The following AGBL1 variants were observed in gnomAD, a reference collection of about 807,000 sequenced individuals.
AGBL1 encodes the protein cytosolic carboxypeptidase 4.
A neutral mutation model predicts 118.9 loss-of-function variants in AGBL1; 130 were observed. The ratio of observed to expected loss-of-function variants is 1.09; its 90% CI spans 0.95 to 1.26. The LOEUF (loss-of-function observed/expected upper bound fraction) is 1.26, where lower values mean the gene tolerates loss of function less well. Ranked by LOEUF, AGBL1 falls within the 50% of genes most tolerant of loss-of-function variation. The pLI, the probability that AGBL1 is intolerant of heterozygous loss-of-function variation, is 0.00. For missense variants in AGBL1, 1,584 were observed against 1,298.1 expected (o/e 1.22, Z -3.38); for synonymous variants, 555 against 478.9 (o/e 1.16, Z -2.08).
intron 23 of AGBL1, among the ~76,000 whole-genome samples, chr15:86,978,051 G>C (rs2081192844): frequency 6.6e-6 from 1 of 152,068 alleles, no homozygotes; most frequent in Non-Finnish European, 1.5e-5. Flanking sequence ...GATAAAAGCA[G>C]TATTATTTTA....
intron 18 of AGBL1, among the ~76,000 whole-genome samples, chr15:86,462,571 A>G (rs1039341908): frequency 2.0e-5 from 3 of 152,142 alleles, no homozygotes; most frequent in Admixed American, 1.3e-4. Context: ...TTCTCCTAAT[A>G]CTATCCCTCC....
intron 17 of AGBL1, among the ~76,000 whole-genome samples, chr15:86,307,945 A>T (rs889548021): frequency 6.6e-6 from 1 of 152,216 alleles, no homozygotes. Context: ...ACTACCTCAG[A>T]GTAACTACCA....
chr15:86,469,370 G>A (rs1208588557), intron 18 of AGBL1, among the ~76,000 whole-genome samples: 1 of 152,166 alleles, frequency 6.6e-6, no homozygotes, highest in African/African-American at 2.4e-5. Context: ...ATTTCAGTTA[G>A]CATAATATCC....
intron 21 of AGBL1, among the ~76,000 whole-genome samples, chr15:86,558,607 G>C (rs990810817): frequency 1.3e-5 from 2 of 152,116 alleles, no homozygotes; most frequent in African/African-American, 4.8e-5. Context: ...ACTTATAACA[G>C]TATTTCAAAA....
chr15:86,513,398 G>A (rs941245777), intron 18 of AGBL1, among the ~76,000 whole-genome samples: 19 of 151,992 alleles, frequency 1.3e-4, no homozygotes, highest in African/African-American at 3.4e-4. Context: ...ACCCTTCTCA[G>A]TTGTATCATA....
At chr15:86,149,466 G>A (rs973290668) in intron 3 of AGBL1, among the ~76,000 whole-genome samples, 2 of 152,142 alleles carry the variant, frequency 1.3e-5, no homozygotes, top group Non-Finnish European at 2.9e-5. Flanking sequence ...AAAAAAAGCA[G>A]GGGTTGCAGT....
At chr15:86,917,036 T>G (rs776404780), downstream of AGBL1, among the ~76,000 whole-genome samples, 2 of 152,192 alleles carry the variant, frequency 1.3e-5, no homozygotes, top group Non-Finnish European at 2.9e-5. The surrounding 1 kb of genome is among the most constrained non-coding windows in gnomAD (Gnocchi z 4.8). Context: ...GTCAGCAAAC[T>G]TCAGCTGGGG....
intron 17 of AGBL1, among the ~76,000 whole-genome samples, chr15:86,359,396 T>C (rs1375955430): frequency 2.0e-4 from 28 of 140,602 alleles, no homozygotes; most frequent in South Asian, 4.3e-4. Flanking sequence ...TCTTTTTTTT[T>C]TTTTTTTTTT....
chr15:86,661,841 A>G (rs964314771), intron 21 of AGBL1, among the ~76,000 whole-genome samples: 1 of 152,104 alleles, frequency 6.6e-6, no homozygotes, highest in Non-Finnish European at 1.5e-5. Context: ...GCTTCATCTC[A>G]TGTTCTGTGC....
intron 21 of AGBL1, chr15:86,556,303 A>G (rs1416049401): frequency 6.2e-7 from 1 of 1,600,540 alleles, no homozygotes; most frequent in Non-Finnish European, 8.6e-7. Context: ...AGCAGCATTT[A>G]TCTTGTGAAA....
chr15:86,348,013 C>T (rs749488278), intron 17 of AGBL1, among the ~76,000 whole-genome samples: 3 of 152,108 alleles, frequency 2.0e-5, no homozygotes, highest in Admixed American at 6.5e-5. Flanking sequence ...CCATTCTTCA[C>T]AAGGTGACAG....
chr15:86,479,412 G>A (rs1197530807), intron 18 of AGBL1, among the ~76,000 whole-genome samples: 3 of 152,094 alleles, frequency 2.0e-5, no homozygotes, highest in Non-Finnish European at 4.4e-5. Flanking sequence ...ATCAACAAGT[G>A]GGCAAAGGAT....
intron 15 of AGBL1, among the ~76,000 whole-genome samples, chr15:86,275,851 T>C (rs1163079184): frequency 6.6e-6 from 1 of 152,202 alleles, no homozygotes; most frequent in African/African-American, 2.4e-5. Context: ...GAGGAAGTTC[T>C]TTGACTCAAA....
chr15:86,255,809 T>A (rs747879862), intron 7 of AGBL1, among the ~76,000 whole-genome samples: 3 of 152,154 alleles, frequency 2.0e-5, no homozygotes, highest in African/African-American at 2.4e-5. Context: ...TTACTTATAT[T>A]TTGGAGTCAT....
At chr15:86,745,184 A>G (rs2077738167) in intron 22 of AGBL1, among the ~76,000 whole-genome samples, 1 of 152,124 alleles carries the variant, frequency 6.6e-6, no homozygotes, top group South Asian at 2.1e-4. Flanking sequence ...GAATAAACAT[A>G]TAGATAATTT....
chr15:86,643,443 T>A (rs2085225156), intron 21 of AGBL1, among the ~76,000 whole-genome samples: 1 of 152,178 alleles, frequency 6.6e-6, no homozygotes. Flanking sequence ...TAGCCTTGAT[T>A]TTCTTTGTGA....
At chr15:86,515,400 C>A (rs953721560) in intron 18 of AGBL1, among the ~76,000 whole-genome samples, 6 of 151,946 alleles carry the variant, frequency 3.9e-5, no homozygotes, top group African/African-American at 1.4e-4. Context: ...CACACATACA[C>A]GCACAGTATC....
intron 23 of AGBL1, among the ~76,000 whole-genome samples, chr15:86,982,794 C>T (rs1031769300): frequency 1.3e-5 from 2 of 151,976 alleles, no homozygotes; most frequent in African/African-American, 4.8e-5. Flanking sequence ...ACTGTTTTTG[C>T]TATTGGTAAG....
chr15:86,867,981 A>G (rs1176168175), intron 22 of AGBL1, among the ~76,000 whole-genome samples: 7 of 152,216 alleles, frequency 4.6e-5, no homozygotes, highest in Admixed American at 3.9e-4. Context: ...TTGGTGTTTC[A>G]TAAATGCCTG....
Sources: gnomAD v4.1 joint callset for allele counts (sites outside exome capture counted in the v4.1 genomes callset) on GRCh38, gnomAD v4.1.1 for gene constraint, Gnocchi (gnomAD v3.1) non-coding constraint, MANE v1.5 for transcripts, NCBI Gene and HGNC (gene_info 2026-07-23, HGNC 2026-07-21) for gene names.